ZFHX4: variants seen among roughly 807,000 people sequenced by gnomAD.
The protein encoded by ZFHX4 is zinc finger homeobox 4, also known as zinc finger homeobox protein 4.
ZFHX4 carries 56 observed loss-of-function variants against 267.6 expected under a neutral mutation model. That is an observed-to-expected ratio of 0.21 (90% CI 0.17 to 0.26). ZFHX4 has a LOEUF of 0.26. ZFHX4 is among the 10% of genes least tolerant of loss of function. ZFHX4 has a pLI of 1.00. For missense variants in ZFHX4, 4,332 were observed against 4,420.0 expected (o/e 0.98, Z 0.56); for synonymous variants, 1,778 against 1,665.6 (o/e 1.07, Z -1.64).
At chr8:76,751,692 G>A (rs976338321) in intron 3 of ZFHX4, among the ~76,000 whole-genome samples, 10 of 152,148 alleles carry the variant, frequency 6.6e-5, no homozygotes, top group Non-Finnish European at 1.5e-4. Flanking sequence ...AAACACCTTA[G>A]CCAGAAATTC....
chr8:76,851,145 T>A lies in ZFHX4; in HGVS notation c.4224T>A (p.Thr1408=), dbSNP rs1467434835. Residue 1408 remains threonine (T), a synonymous_variant, in exon 10 of 11, where the codon ACT becomes ACA. Coordinates refer to ENST00000651372, the MANE Select transcript of ZFHX4 (RefSeq NM_024721.5). The part of the protein sequence containing the change: ...RCNHCSLAFK[T]MQKLQIHSQY... ...ACCATTGTAGCTTGGCTTTCAAAAC[T>A]ATGCAGAAGCTTCAGATACATTCCC... The A allele has an allele frequency of 6.2e-7, 1 of 1,613,868 alleles. No individual in the cohort carries two copies. The highest frequency in any genetic ancestry group is 1.7e-5 in the Admixed American group (1 of 59,996).
chr8:76,812,790 G>C (rs1811410218), intron 4 of ZFHX4, among the ~76,000 whole-genome samples: 1 of 152,042 alleles, frequency 6.6e-6, no homozygotes, highest in African/African-American at 2.4e-5. Context: ...CAGTGAATGA[G>C]TTTTTCTGTC....
intron 3 of ZFHX4, among the ~76,000 whole-genome samples, chr8:76,754,433 G>C (rs1279293719): frequency 6.6e-6 from 1 of 151,992 alleles, no homozygotes; most frequent in Non-Finnish European, 1.5e-5. Context: ...TGGTTGTAGT[G>C]AGCCCAGATT....
At chr8:76,736,120 T>C (rs1809152351) in intron 3 of ZFHX4, among the ~76,000 whole-genome samples, 2 of 152,148 alleles carry the variant, frequency 1.3e-5, no homozygotes, top group Admixed American at 6.6e-5. Flanking sequence ...AGTGGATAAA[T>C]GTTTATCCTT....
rs1242671010 is a variant in ZFHX4, at chr8:76,855,345, G to C, written c.8424G>C (p.Thr2808=). ...TDFDETSSIN[T]AISDATTGDE... is the part of the protein sequence containing the mutation. ...TTGATGAGACTTCATCGATTAATAC[G>C]GCAATCAGTGACGCCACCACCGGAG... The change falls in exon 10 of 11, where the codon ACG becomes ACC. Residue 2808 remains threonine, a synonymous_variant. Transcript: ENST00000651372. 3 of 1,613,372 alleles carry C rather than the reference G, an allele frequency of 1.9e-6. No individual in the cohort carries two copies. The highest frequency in any genetic ancestry group is 1.7e-4 in the Middle Eastern group (1 of 6,060).
intron 6 of ZFHX4, among the ~76,000 whole-genome samples, chr8:76,846,291 C>A (rs551979368): frequency 2.6e-5 from 4 of 152,136 alleles, no homozygotes; most frequent in Admixed American, 6.5e-5. Context: ...TCTCAATATT[C>A]TCTACTTCCT....
chr8:76,750,062 G>T (rs945126228), intron 3 of ZFHX4, among the ~76,000 whole-genome samples: 6 of 152,028 alleles, frequency 3.9e-5, no homozygotes, highest in Non-Finnish European at 8.8e-5. Flanking sequence ...TTTGTCCTAG[G>T]TTTAAAATTC....
chr8:76,752,616 A>G (rs1171612099), intron 3 of ZFHX4, among the ~76,000 whole-genome samples: 1 of 151,990 alleles, frequency 6.6e-6, no homozygotes, highest in Non-Finnish European at 1.5e-5. Context: ...GGCTGCAGTG[A>G]GCTGAGATCA....
chr8:76,687,450 C>T (rs1419895964), intron 1 of ZFHX4, among the ~76,000 whole-genome samples: 4 of 152,154 alleles, frequency 2.6e-5, no homozygotes, highest in South Asian at 2.1e-4. Flanking sequence ...TCTCCCAAGA[C>T]GGGATAGTGT....
At chr8:76,703,813 C>A (rs1011333987) in intron 1 of ZFHX4, among the ~76,000 whole-genome samples, 2 of 152,106 alleles carry the variant, frequency 1.3e-5, no homozygotes, top group African/African-American at 2.4e-5. Flanking sequence ...ATGCTCATAG[C>A]GACTATGAAA....
chr8:76,701,699 G>A (rs746096124), intron 1 of ZFHX4, among the ~76,000 whole-genome samples: 4 of 152,120 alleles, frequency 2.6e-5, no homozygotes, highest in African/African-American at 9.7e-5. Context: ...TGTTTTAGGA[G>A]TGAAGATAGA....
intron 3 of ZFHX4, among the ~76,000 whole-genome samples, chr8:76,713,541 G>A (rs1808485658): frequency 3.3e-5 from 5 of 152,068 alleles, no homozygotes; most frequent in Admixed American, 2.6e-4. Context: ...CTACACATCA[G>A]GAAAATACTC....
At chr8:76,800,543 A>G (rs1811092761) in intron 4 of ZFHX4, among the ~76,000 whole-genome samples, 1 of 152,138 alleles carries the variant, frequency 6.6e-6, no homozygotes. Flanking sequence ...AGTGAGGTGA[A>G]ATTCATTGCT....
At chr8:76,829,584 G>A (rs991683850) in intron 4 of ZFHX4, among the ~76,000 whole-genome samples, 4 of 152,128 alleles carry the variant, frequency 2.6e-5, no homozygotes, top group African/African-American at 9.7e-5. Flanking sequence ...GCCGAGGTGG[G>A]CAGATCACAA....
intron 3 of ZFHX4, among the ~76,000 whole-genome samples, chr8:76,765,497 A>G (rs1217980428): frequency 6.6e-6 from 1 of 152,142 alleles, no homozygotes; most frequent in African/African-American, 2.4e-5. Context: ...AGGTTAATAT[A>G]TATTGAATGA....
intron 3 of ZFHX4, among the ~76,000 whole-genome samples, chr8:76,734,236 T>C (rs908262554): frequency 3.9e-5 from 6 of 152,176 alleles, no homozygotes; most frequent in African/African-American, 1.4e-4. Flanking sequence ...GTTATGGACA[T>C]GAGAGCCTGG....
chr8:76,859,562 T>C (rs1812815300), intron 10 of ZFHX4, among the ~76,000 whole-genome samples: 1 of 152,176 alleles, frequency 6.6e-6, no homozygotes, highest in East Asian at 1.9e-4. Flanking sequence ...TTTAACTTAT[T>C]TACTTTATCA....
At chr8:76,796,302 G>C (rs1810977918) in intron 4 of ZFHX4, among the ~76,000 whole-genome samples, 2 of 152,124 alleles carry the variant, frequency 1.3e-5, no homozygotes. Context: ...TTTTAGAATA[G>C]AGAAGATATA....
intron 4 of ZFHX4, 91 bp from the exon 5 acceptor site, chr8:76,833,242 TCCTGA>T: frequency 3.2e-6 from 3 of 936,548 alleles, no homozygotes; most frequent in Non-Finnish European, 5.0e-6. Flanking sequence ...TACTTATCTC[TCCTGA>T]CTGCCAAATT....
Sources: allele counts gnomAD v4.1 joint callset (sites outside exome capture counted in the v4.1 genomes callset), GRCh38; gene constraint gnomAD v4.1.1; transcripts MANE v1.5; gene names NCBI Gene and HGNC (gene_info 2026-07-23, HGNC 2026-07-21).